Variants in NLRC3 observed in about 807,000 individuals in gnomAD.
The protein encoded by NLRC3 is NLR family CARD domain-containing protein 3.
NLRC3 carries 87 observed loss-of-function variants against 91.6 expected under a neutral mutation model. That is an observed-to-expected ratio of 0.95 (90% confidence interval 0.80 to 1.14). The LOEUF is 1.14. Among genes scored for constraint, NLRC3 ranks in the 50% most tolerant of loss-of-function variants. NLRC3 has a pLI of 0.00. For synonymous variants in NLRC3, 694 were observed against 625.3 expected (o/e 1.11, Z -1.64); for missense variants, 1,577 against 1,418.6 (o/e 1.11, Z -1.79).
At chr16:3,543,358 A>G in intron 17 of NLRC3, 67 bp downstream of exon 17, 1 of 1,093,806 alleles carries the variant, frequency 9.1e-7, no homozygotes, top group Admixed American at 2.0e-5. Flanking sequence ...TTGTCCCCAT[A>G]TCTATTCATT....
Position 3,564,333 on chromosome 16 carries a change from C to A in NLRC3, c.604G>T (p.Gly202Trp). The A allele has an allele frequency of 6.2e-7, 1 of 1,611,496 alleles. No homozygotes were observed. The change falls in exon 5 of 20, where the codon GGG becomes TGG. Residue 202 changes from glycine (G) to tryptophan (W), a missense_variant. Transcript: ENST00000359128. This position sits in a 1 kb window ranked among gnomAD's most constrained non-coding sequence, Gnocchi z 5.9. ...ACTGCCACCGCCAGGCTGGGCTCCC[C>A]GACGTGCGGGAAGACCGAGCAGATG... ...RLICSVFPHV[G>W]EPSLAVAVPA...
rs771092417 is a variant in NLRC3 at position 3,563,885 on chromosome 16, T to A, written c.1052A>T (p.Asp351Val). The part of the protein sequence containing the change: ...HLWRSRTGPQ[D>V]AELWPPRTLC... ...GGTCCTCGGGGGCCACAGCTCTGCATCCTGGGGCCCCGTCCTGCTGCGCCA... is the reference window on the plus strand; with the variant it reads ...GGTCCTCGGGGGCCACAGCTCTGCAACCTGGGGCCCCGTCCTGCTGCGCCA... Residue 351 changes from aspartate (D) to valine (V), a missense_variant, in exon 5 of 20, where the codon GAT becomes GTT. Transcript: ENST00000359128. The A allele has an allele frequency of 1.2e-6, 2 of 1,600,276 alleles. No individual in the cohort carries two copies. Among genetic ancestry groups the A allele is most frequent in the East Asian group, 4.5e-5 (2 of 44,740 alleles).
chr16:3,563,659 G>C lies in NLRC3; in HGVS notation c.1278C>G (p.Asp426Glu). Reference protein sequence around the residue: ...YEQDMKAFGVDLALLQGAPCS... With the variant: ...YEQDMKAFGVELALLQGAPCS... ...ACGGGGCGCCCTGCAGCAGAGCGAGGTCTACACCAAACGCCTTCATGTCTT... is the reference window on the plus strand; with the variant it reads ...ACGGGGCGCCCTGCAGCAGAGCGAGCTCTACACCAAACGCCTTCATGTCTT... Residue 426 changes from aspartate (D) to glutamate (E), a missense_variant, in exon 5 of 20, where the codon GAC becomes GAG. By Grantham distance (45) the Asp-to-Glu change is conservative. Transcript: ENST00000359128. 6.2e-7 allele frequency: 1 copy of C among 1,608,086 alleles called. No homozygotes were observed. Among genetic ancestry groups the C allele is most frequent in the South Asian group, 1.1e-5 (1 of 90,766 alleles).
Position 3,563,910 on chromosome 16 carries a change from A to G in NLRC3, c.1027T>C (p.Trp343Arg). 1 of 1,593,626 alleles carries G rather than the reference A, an allele frequency of 6.3e-7. No homozygotes were observed. Among genetic ancestry groups the G allele is most frequent in the Non-Finnish European group, 8.5e-7 (1 of 1,171,018 alleles). The change falls in exon 5 of 20, where the codon TGG becomes CGG. Residue 343 changes from tryptophan to arginine, a missense_variant. Coordinates refer to ENST00000359128, the MANE Select transcript of NLRC3 (RefSeq NM_178844.4). ...TCCTGGGGCCCCGTCCTGCTGCGCC[A>G]CAGGTGGCCTAGCGCCATCCCCGTG... ...RLTGMALGHL[W>R]RSRTGPQDAE... is the part of the protein sequence containing the mutation.
Position 3,541,618 on chromosome 16 carries a change from C to G in NLRC3, c.*207G>C. The G allele has an allele frequency of 1.7e-6, 1 of 585,502 alleles. No homozygotes were observed. The highest frequency in any genetic ancestry group is 3.0e-6 in the Non-Finnish European group (1 of 328,870). The allele number at this position is 585,502 out of a possible 1,614,324, so 36.3% of individuals were successfully genotyped here. A position where few individuals can be genotyped will look rare whatever the true frequency, so the allele number is the denominator to read the frequency against. On this transcript the variant is annotated 3_prime_UTR_variant, in exon 20 of 20. Coordinates refer to ENST00000359128, the MANE Select transcript of NLRC3 (RefSeq NM_178844.4). The stretch of plus-strand genomic sequence containing the variant: ...CTTCTCTGTGCCATAACAGAGTACC[C>G]GTCACCCCCTGCCTGGACCACTCCT...
chr16:3,574,714 A>G lies in NLRC3; in HGVS notation c.-169+2435T>C, dbSNP rs145080408. ...AGTGGCTCATGCCTGTAATCCTAGC[A>G]CTTTGGGAGGCTGAGGTGGGCAGAT... On this transcript the variant is annotated intron_variant, in intron 1 of 19. Transcript: ENST00000359128. 8.8e-3 allele frequency among the ~76,000 whole-genome samples: 1,337 copies of G among 152,264 alleles called. 22 individuals are homozygous for G. The highest frequency in any genetic ancestry group is 0.031 in the African/African-American group (1,278 of 41,550).
Position 3,574,007 on chromosome 16 carries a change from CTTTTTTTTTTTTTTTTTTTT to C in NLRC3, c.-169+3122_-169+3141del, listed in dbSNP as rs35126359. Among the ~76,000 whole-genome samples the C allele has an allele frequency of 1.2e-4, 5 of 40,398 alleles. 1 individual carries two copies. The highest frequency in any genetic ancestry group is 1.7e-4 in the Non-Finnish European group (4 of 23,298). The allele number at this position is 40,398 out of a possible 152,430, so 26.5% of individuals were successfully genotyped here. The stretch of plus-strand genomic sequence containing the variant: ...GCTTGGCCCATTGTAACCATTTTAT[CTTTTTTTTTTTTTTTTTTTT>C]TTTTTTTTTTTTTGAGATAGAGTCT... On this transcript the variant is annotated intron_variant, in intron 1 of 19. Coordinates refer to ENST00000359128, the MANE Select transcript of NLRC3 (RefSeq NM_178844.4).
At position 3,572,586 on chromosome 16, in the gene NLRC3, C is replaced by T. The variant is rs1195126966; in HGVS notation, c.-169+4563G>A. Among the ~76,000 whole-genome samples, 8 of 152,078 alleles carry T rather than the reference C, an allele frequency of 5.3e-5. No homozygotes were observed. In the East Asian group the frequency reaches 1.5e-3, roughly 29 times the overall value. On this transcript the variant is annotated intron_variant, in intron 1 of 19. Coordinates refer to ENST00000359128, the MANE Select transcript of NLRC3 (RefSeq NM_178844.4). Reference sequence around the variant, plus strand: ...TATTGGCATGAGCCACTGTGCCAGGCCTGTAGTGGGAATCTTAATTCATAG... The same window carrying T: ...TATTGGCATGAGCCACTGTGCCAGGTCTGTAGTGGGAATCTTAATTCATAG...
In NLRC3 at chr16:3,556,062, C is replaced by T. The variant is rs1455132820; in HGVS notation, c.2183+849G>A. ...AGACATAACTGGCTGGGCTCGGTGA[C>T]TCACACTTGTAATCCCAGCACTTTG... On this transcript the variant is annotated intron_variant, in intron 8 of 19. Coordinates refer to ENST00000359128, the MANE Select transcript of NLRC3 (RefSeq NM_178844.4). 6 of 150,674 alleles carry T rather than the reference C, an allele frequency of 4.0e-5. 1 individual carries two copies. The South Asian group carries it at 8.4e-4, about 21-fold the overall frequency. The allele number at this position is 150,674 out of a possible 1,614,324, so 9.3% of individuals were successfully genotyped here.
chr16:3,563,680 G>A lies in NLRC3; in HGVS notation c.1257C>T (p.Asp419=). The change falls in exon 5 of 20, where the codon GAC becomes GAT. Residue 419 remains aspartate, a synonymous_variant. Coordinates refer to ENST00000359128, the MANE Select transcript of NLRC3 (RefSeq NM_178844.4). ...CGAGGTCTACACCAAACGCCTTCAT[G>A]TCTTGCTCGTAAAACACGTATTTCT... The part of the protein sequence containing the change: ...LKKKYVFYEQ[D]MKAFGVDLAL... 2 of 1,613,788 alleles carry A rather than the reference G, an allele frequency of 1.2e-6. No individual in the cohort carries two copies. Among genetic ancestry groups the A allele is most frequent in the Non-Finnish European group, 8.5e-7 (1 of 1,179,880 alleles).
At chr16:3,566,101 CAAAAAAAAAAAAAAAA>C (rs1027448717) in intron 2 of NLRC3, among the ~76,000 whole-genome samples, 2 of 21,318 alleles carry the variant, frequency 9.4e-5, no homozygotes, top group Non-Finnish European at 1.7e-4. Context: ...GAGCAAAAAG[CAAAAAAAAAAAAAAAA>C]AAAAAAAAAA....
In NLRC3 at chr16:3,557,693, A is replaced by G; in HGVS notation, c.2016-17T>C. 1.3e-6 allele frequency: 2 copies of G among 1,584,126 alleles called. No homozygotes were observed. The highest frequency in any genetic ancestry group is 1.7e-6 in the Non-Finnish European group (2 of 1,153,782). On this transcript the variant is annotated splice_polypyrimidine_tract_variant and intron_variant, in intron 6 of 19. Transcript: ENST00000359128. The stretch of plus-strand genomic sequence containing the variant: ...TCCGCCAAGCTGCCCAAGGAAAGGG[A>G]GAGGAGTGGTTATTTTAGGCATGCA...
Position 3,541,851 on chromosome 16 carries a change from C to A in NLRC3, c.3172G>T (p.Ala1058Ser). 1 of 1,612,096 alleles carries A rather than the reference C, an allele frequency of 6.2e-7. No homozygotes were observed. The highest frequency in any genetic ancestry group is 8.5e-7 in the Non-Finnish European group (1 of 1,178,532). ...CACATTTCAACAGTGCACGTGGGAG[C>A]ATTTGTCTTGATGGCCTCTGAGATC... ...RMISEAIKTN[A>S]PTCTVEM Residue 1058 changes from alanine (A) to serine (S), a missense_variant, in exon 20 of 20, where the codon GCT becomes TCT. By Grantham distance (99) the Ala-to-Ser change is moderately conservative. Coordinates refer to ENST00000359128, the MANE Select transcript of NLRC3 (RefSeq NM_178844.4).
rs1434201462 is a variant in NLRC3, at chr16:3,539,662, G to A, written c.*2163C>T. On this transcript the variant is annotated 3_prime_UTR_variant, in exon 20 of 20. Transcript: ENST00000359128. ...GCATCACCTTGAAAGTACTAAAACA[G>A]CTGTCAATCTAGAAATCTCTGCCCC... 1 of 152,196 alleles carries A rather than the reference G, an allele frequency of 6.6e-6. No individual in the cohort carries two copies. Among genetic ancestry groups the A allele is most frequent in the Admixed American group, 6.5e-5 (1 of 15,278 alleles). 9.4% of individuals were successfully genotyped at this position (152,196 alleles called of 1,614,324 possible). A position where few individuals can be genotyped will look rare whatever the true frequency, so the allele number is the denominator to read the frequency against.
Position 3,541,748 on chromosome 16 carries a change from G to GC in NLRC3, c.*76dup. Reference sequence around the variant, plus strand: ...AGCAGCGTTCCCAGCTCCCAGACAGGCCCCCCAGAAGTCGGCCTTTCTGTT... The same window carrying GC: ...AGCAGCGTTCCCAGCTCCCAGACAGGCCCCCCCAGAAGTCGGCCTTTCTGTT... On this transcript the variant is annotated 3_prime_UTR_variant, in exon 20 of 20. Transcript: ENST00000359128. 2.1e-6 allele frequency: 2 copies of GC among 942,394 alleles called. No homozygotes were observed. The highest frequency in any genetic ancestry group is 3.4e-6 in the Non-Finnish European group (2 of 594,112). 58.4% of individuals were successfully genotyped at this position (942,394 alleles called of 1,614,324 possible). A position where few individuals can be genotyped will look rare whatever the true frequency, so the allele number is the denominator to read the frequency against.
chr16:3,549,677 A>G lies in NLRC3; in HGVS notation c.2519+20T>C, dbSNP rs1368218029. 1.3e-6 allele frequency: 2 copies of G among 1,534,580 alleles called. No homozygotes were observed. Among genetic ancestry groups the G allele is most frequent in the Non-Finnish European group, 1.8e-6 (2 of 1,131,722 alleles). ...CTCGTCAAAGAAACGCCCTGTTTGG[A>G]GAGGGTGGCCAGGACTTACCTGAGG... On this transcript the variant is annotated intron_variant, in intron 12 of 19. Coordinates refer to ENST00000359128, the MANE Select transcript of NLRC3 (RefSeq NM_178844.4).
chr16:3,576,677 G>A (rs2040310396), intron 1 of NLRC3, among the ~76,000 whole-genome samples: 1 of 151,842 alleles, frequency 6.6e-6, no homozygotes, highest in South Asian at 2.1e-4. Context: ...GTTTTGTTTT[G>A]TTTTGGAGAC....
At chr16:3,573,684 C>T (rs181426740) in intron 1 of NLRC3, among the ~76,000 whole-genome samples, 6 of 152,302 alleles carry the variant, frequency 3.9e-5, no homozygotes, top group African/African-American at 1.2e-4. Context: ...GAAGAAGTCT[C>T]AGCTCTGGTA....
At chr16:3,575,077 T>A (rs1190045300) in intron 1 of NLRC3, among the ~76,000 whole-genome samples, 2 of 152,246 alleles carry the variant, frequency 1.3e-5, no homozygotes, top group Non-Finnish European at 2.9e-5. Context: ...AGAAATGGAT[T>A]ATTTGAAATT....
Sources: gnomAD v4.1 joint callset for allele counts (sites outside exome capture counted in the v4.1 genomes callset) on GRCh38, gnomAD v4.1.1 for gene constraint, Gnocchi (gnomAD v3.1) non-coding constraint, MANE v1.5 for transcripts, NCBI Gene and HGNC (gene_info 2026-07-23, HGNC 2026-07-21) for gene names.